EMC2: variants seen among roughly 807,000 people sequenced by gnomAD.
EMC2 encodes TPR repeat protein 35.
Under a neutral mutation model 51.6 loss-of-function variants are expected in EMC2, and 37 were observed. The observed-to-expected ratio is 0.72, with a 90% confidence interval of 0.55 to 0.94. The LOEUF is 0.94. EMC2 is among the 40% of genes least tolerant of loss of function. The pLI is 0.00. For synonymous variants in EMC2, 131 were observed against 112.4 expected (o/e 1.17, Z -1.04); for missense variants, 359 against 350.9 (o/e 1.02, Z -0.18).
chr8:108,471,244 T>A (rs1157287531), intron 7 of EMC2, among the ~76,000 whole-genome samples: 1 of 151,942 alleles, frequency 6.6e-6, no homozygotes, highest in East Asian at 1.9e-4. Flanking sequence ...ATATAATACT[T>A]ATATTTAAAT....
In EMC2 at chr8:108,470,064, T is replaced by G. The variant is rs1351574421; in HGVS notation, c.452T>G (p.Phe151Cys). 6.2e-7 allele frequency: 1 copy of G among 1,612,816 alleles called. No individual in the cohort carries two copies. The highest frequency in any genetic ancestry group is 1.1e-5 in the South Asian group (1 of 91,026). ...IRELNEYLEQFVGDQEAWHEL... is the reference protein window; with the variant it reads ...IRELNEYLEQCVGDQEAWHEL... ...TTTTTTTCTTTTCCTCTCACCAGAT[T>G]TGTTGGAGACCAAGAAGCCTGGCAT... is the stretch of plus-strand genomic sequence containing the variant. The change falls in exon 7 of 11, where the codon TTT becomes TGT. Residue 151 changes from phenylalanine to cysteine, a missense_variant and splice_region_variant. Coordinates refer to ENST00000220853, the MANE Select transcript of EMC2 (RefSeq NM_014673.5).
chr8:108,465,180 C>T (rs1054658534), intron 5 of EMC2, among the ~76,000 whole-genome samples: 13 of 152,156 alleles, frequency 8.5e-5, no homozygotes, highest in Non-Finnish European at 2.9e-5. Flanking sequence ...AAGATTTATT[C>T]ATGGTCTTTA....
intron 7 of EMC2, among the ~76,000 whole-genome samples, chr8:108,472,102 A>G (rs544665511): frequency 1.3e-5 from 2 of 152,094 alleles, no homozygotes; most frequent in Non-Finnish European, 2.9e-5. Flanking sequence ...GAAACTTTAC[A>G]TTTTTAGAAA....
At chr8:108,476,053 C>T in intron 8 of EMC2, 90 bp downstream of exon 8, 1 of 695,898 alleles carries the variant, frequency 1.4e-6, no homozygotes, top group South Asian at 2.1e-5. Flanking sequence ...TGATGTTAAG[C>T]AAGTATATAA....
At chr8:108,452,603 A>G (rs561935816) in intron 3 of EMC2, among the ~76,000 whole-genome samples, 3 of 152,246 alleles carry the variant, frequency 2.0e-5, no homozygotes, top group African/African-American at 7.2e-5. Flanking sequence ...TTAATATAAA[A>G]TTTCAACAGG....
intron 10 of EMC2, among the ~76,000 whole-genome samples, chr8:108,479,648 A>T (rs941968882): frequency 6.6e-6 from 1 of 152,140 alleles, no homozygotes; most frequent in Non-Finnish European, 1.5e-5. Flanking sequence ...ATGGGAAAAC[A>T]CATCTTTTTA....
intron 4 of EMC2, among the ~76,000 whole-genome samples, chr8:108,455,604 T>C (rs1033537204): frequency 2.4e-4 from 36 of 152,184 alleles, no homozygotes; most frequent in African/African-American, 8.7e-4. Flanking sequence ...TTTTGTACTT[T>C]GGACAAATTG....
chr8:108,451,656 G>T (rs914658698), intron 3 of EMC2, among the ~76,000 whole-genome samples: 23 of 146,718 alleles, frequency 1.6e-4, no homozygotes, highest in Admixed American at 1.4e-4. Flanking sequence ...ATAGTCTTTT[G>T]AATATTCATA....
intron 5 of EMC2, among the ~76,000 whole-genome samples, chr8:108,456,332 C>CAAAAAAAAAAAAAAAAAAAA (rs869162246): frequency 4.2e-4 from 10 of 23,606 alleles, no homozygotes; most frequent in Non-Finnish European, 6.9e-4. Context: ...GACTTCGTGT[C>CAAAAAAAAAAAAAAAAAAAA]AAAAAAAAAA....
At chr8:108,472,713 C>T (rs967625566) in intron 7 of EMC2, among the ~76,000 whole-genome samples, 3 of 151,730 alleles carry the variant, frequency 2.0e-5, no homozygotes, top group African/African-American at 2.4e-5. Context: ...GTTAAATTAT[C>T]GTAGGATATC....
chr8:108,458,522 C>A (rs1819223049), intron 5 of EMC2, among the ~76,000 whole-genome samples: 1 of 152,192 alleles, frequency 6.6e-6, no homozygotes, highest in Admixed American at 6.5e-5. Flanking sequence ...TTTGCACTCA[C>A]AGGCTCAACA....
At position 108,471,405 on chromosome 8, in the gene EMC2, A is replaced by AT. The variant is rs199982470; in HGVS notation, c.509+1294dup. On this transcript the variant is annotated intron_variant, in intron 7 of 10. Transcript: ENST00000220853. ...TAAAACATTTCAAATCAACAAGGAA[A>AT]TTTTTTTTTTCAAGTTAAAGGAATA... 4.7e-5 allele frequency among the ~76,000 whole-genome samples: 7 copies of AT among 150,478 alleles called. No individual in the cohort carries two copies. The East Asian group carries it at 7.8e-4, about 17-fold the overall frequency.
intron 5 of EMC2, among the ~76,000 whole-genome samples, chr8:108,467,418 A>G (rs2130382353): frequency 6.6e-6 from 1 of 151,734 alleles, no homozygotes; most frequent in Non-Finnish European, 1.5e-5. Context: ...GCGCAGTCTC[A>G]GCTCACTGCA....
At chr8:108,485,817 G>A (rs1367512786) in intron 10 of EMC2, among the ~76,000 whole-genome samples, 1 of 151,178 alleles carries the variant, frequency 6.6e-6, no homozygotes, top group Non-Finnish European at 1.5e-5. Context: ...ATATATTGAT[G>A]TATTTATTTT....
chr8:108,467,265 A>G (rs1032630642), intron 5 of EMC2, among the ~76,000 whole-genome samples: 1 of 151,896 alleles, frequency 6.6e-6, no homozygotes, highest in African/African-American at 2.4e-5. Flanking sequence ...TGTTATTATA[A>G]TTGGTTATTT....
At chr8:108,470,648 T>A (rs1276529400) in intron 7 of EMC2, among the ~76,000 whole-genome samples, 1 of 152,118 alleles carries the variant, frequency 6.6e-6, no homozygotes, top group Non-Finnish European at 1.5e-5. Flanking sequence ...GCTTATTGGA[T>A]GTTTAATGTT....
chr8:108,470,274 C>T (rs140697792), intron 7 of EMC2, among the ~76,000 whole-genome samples, 153 bp downstream of exon 7: 4 of 152,182 alleles, frequency 2.6e-5, no homozygotes, highest in Admixed American at 2.6e-4. Context: ...TGAAAAAGAA[C>T]AAATCAGTAA....
At chr8:108,448,907 C>G (rs1013439532) in intron 1 of EMC2, among the ~76,000 whole-genome samples, 3 of 151,856 alleles carry the variant, frequency 2.0e-5, no homozygotes. Flanking sequence ...TGTTGCTTTT[C>G]TTTTGCTCAG....
At chr8:108,463,844 C>T (rs887906035) in intron 5 of EMC2, among the ~76,000 whole-genome samples, 1 of 151,918 alleles carries the variant, frequency 6.6e-6, no homozygotes, top group Non-Finnish European at 1.5e-5. Flanking sequence ...GCTTAAAATA[C>T]ACATATTCAC....
Sources: allele counts gnomAD v4.1 joint callset (sites outside exome capture counted in the v4.1 genomes callset), GRCh38; gene constraint gnomAD v4.1.1; transcripts MANE v1.5; gene names NCBI Gene and HGNC (gene_info 2026-07-23, HGNC 2026-07-21).